ADARB2: variants seen among roughly 807,000 people sequenced by gnomAD.
The protein encoded by ADARB2 is adenosine deaminase RNA specific B2 (inactive).
A neutral mutation model predicts 62.2 loss-of-function variants in ADARB2; 25 were observed. The ratio of observed to expected loss-of-function variants is 0.40; its 90% confidence interval spans 0.29 to 0.56. ADARB2 has a LOEUF of 0.56. Among genes scored for constraint, ADARB2 ranks in the 20% least tolerant of loss-of-function variants. ADARB2 has a pLI of 0.43. For synonymous variants in ADARB2, 572 were observed against 500.8 expected, an observed-to-expected ratio of 1.14 and a Z score of -1.90; for missense variants, 1,071 against 1,077.4, an observed-to-expected ratio of 0.99 and a Z score of 0.08.
intron 3 of ADARB2, among the ~76,000 whole-genome samples, chr10:1,328,085 C>A (rs145979448): frequency 8.5e-6 from 1 of 118,132 alleles, no homozygotes; most frequent in Non-Finnish European, 1.9e-5. Flanking sequence ...GTAACCCAGT[C>A]GGGAAATGGT....
At chr10:1,213,788 CAG>C (rs1475601019) in intron 7 of ADARB2, among the ~76,000 whole-genome samples, 2 of 152,216 alleles carry the variant, frequency 1.3e-5, no homozygotes, top group African/African-American at 4.8e-5. Context: ...GATTTTGTTA[CAG>C]AGAGACAACC....
At chr10:1,479,156 G>A (rs751321558) in intron 1 of ADARB2, among the ~76,000 whole-genome samples, 12 of 152,200 alleles carry the variant, frequency 7.9e-5, no homozygotes, top group Non-Finnish European at 1.6e-4. Flanking sequence ...ATCCCAGTTA[G>A]TAGCTGCAGT....
chr10:1,628,488 G>C (rs555889648), intron 1 of ADARB2, among the ~76,000 whole-genome samples: 30 of 152,356 alleles, frequency 2.0e-4, no homozygotes, highest in African/African-American at 7.2e-4. Flanking sequence ...GAATGACACA[G>C]ATATTAAAAC....
At chr10:1,546,138 C>T (rs572120988) in intron 1 of ADARB2, among the ~76,000 whole-genome samples, 1 of 152,232 alleles carries the variant, frequency 6.6e-6, no homozygotes, top group South Asian at 2.1e-4. Context: ...TGATGGCTCC[C>T]CCTAACTCTC....
intron 1 of ADARB2, among the ~76,000 whole-genome samples, chr10:1,548,946 T>A (rs1832568620): frequency 6.6e-6 from 1 of 152,132 alleles, no homozygotes; most frequent in Non-Finnish European, 1.5e-5. Flanking sequence ...GTTAAGGTGA[T>A]CTGGCTGGGC....
intron 1 of ADARB2, among the ~76,000 whole-genome samples, chr10:1,601,713 C>A (rs1174129023): frequency 6.6e-6 from 1 of 152,190 alleles, no homozygotes; most frequent in African/African-American, 2.4e-5. Flanking sequence ...CGACAGCCAC[C>A]TGCTCCCCCG....
intron 1 of ADARB2, among the ~76,000 whole-genome samples, chr10:1,524,915 T>A (rs1832121528): frequency 6.6e-6 from 1 of 152,188 alleles, no homozygotes; most frequent in Non-Finnish European, 1.5e-5. Context: ...TAGTCCAATC[T>A]ATGTCTGAGC....
Position 1,556,403 on chromosome 10 carries a change from C to G in ADARB2, c.101-177243G>C, listed in dbSNP as rs148478795. Among the ~76,000 whole-genome samples the G allele has an allele frequency of 5.7e-3, 871 of 152,088 alleles. 6 individuals are homozygous for G. Among genetic ancestry groups the G allele is most frequent in the South Asian group, 0.027 (128 of 4,800 alleles). On this transcript the variant is annotated intron_variant, in intron 1 of 9. Coordinates refer to ENST00000381312, the MANE Select transcript of ADARB2 (RefSeq NM_018702.4). ...TTTCTTGGTGAAGCAATTCCCAACTCTACCCTGTGCCGATTCCAGAGTCCT... is the reference window on the plus strand; with the variant it reads ...TTTCTTGGTGAAGCAATTCCCAACTGTACCCTGTGCCGATTCCAGAGTCCT...
chr10:1,486,210 C>CTGTGTGTGTGTGTGTG (rs61283089), intron 1 of ADARB2, among the ~76,000 whole-genome samples: 51 of 142,952 alleles, frequency 3.6e-4, no homozygotes, highest in African/African-American at 1.3e-3. Context: ...GTGTGGACGC[C>CTGTGTGTGTGTGTGTG]TGTGTGTGTG....
chr10:1,372,166 T>C (rs1832378262), intron 2 of ADARB2, among the ~76,000 whole-genome samples: 3 of 152,284 alleles, frequency 2.0e-5, no homozygotes, highest in Middle Eastern at 3.4e-3. Flanking sequence ...TGCAGCAACA[T>C]GAATGGAGCT....
intron 1 of ADARB2, among the ~76,000 whole-genome samples, chr10:1,669,431 C>T (rs892491124): frequency 7.9e-5 from 12 of 152,064 alleles, no homozygotes; most frequent in Non-Finnish European, 1.8e-4. Context: ...GACACACACA[C>T]AGACACATGC....
At chr10:1,702,028 G>GGA (rs1295361941) in intron 1 of ADARB2, among the ~76,000 whole-genome samples, 1 of 152,246 alleles carries the variant, frequency 6.6e-6, no homozygotes, top group South Asian at 2.1e-4. Context: ...GAAAGAAGTG[G>GGA]GAGAGAGAGT....
In ADARB2 at chr10:1,499,324, T is replaced by C. The variant is rs149819169; in HGVS notation, c.101-120164A>G. On this transcript the variant is annotated intron_variant, in intron 1 of 9. Coordinates refer to ENST00000381312, the MANE Select transcript of ADARB2 (RefSeq NM_018702.4). ...TCATTACTCATCACGCATTCATTACTCACTGAATTAACCATTCAGTCATTA... is the reference window on the plus strand; with the variant it reads ...TCATTACTCATCACGCATTCATTACCCACTGAATTAACCATTCAGTCATTA... Among the ~76,000 whole-genome samples the C allele has an allele frequency of 3.3e-5, 5 of 152,122 alleles. No homozygotes were observed. In the East Asian group the frequency reaches 9.7e-4, roughly 30 times the overall value.
At position 1,395,072 on chromosome 10, in the gene ADARB2, A is replaced by G. The variant is rs545070164; in HGVS notation, c.101-15912T>C. 2.6e-5 allele frequency among the ~76,000 whole-genome samples: 4 copies of G among 152,096 alleles called. No homozygotes were observed. The South Asian group carries it at 6.2e-4, about 24-fold the overall frequency. On this transcript the variant is annotated intron_variant, in intron 1 of 9. Transcript: ENST00000381312. ...GCTGGGACTACAGATGCGTGCCACC[A>G]TAACTGGCTATTGTTTTATATTCAC...
intron 4 of ADARB2, among the ~76,000 whole-genome samples, chr10:1,262,287 TATAATAATAATAATA>T (rs55721350): frequency 1.5e-5 from 2 of 135,780 alleles, no homozygotes; most frequent in African/African-American, 2.9e-5. Context: ...AAACTTAAAG[TATAATAATAATAATA>T]ATAATAATAA....
chr10:1,271,116 G>T, intron 3 of ADARB2, 47 bp from the exon 4 acceptor site: 1 of 1,512,522 alleles, frequency 6.6e-7, no homozygotes, highest in Non-Finnish European at 9.1e-7. Context: ...AGCAGGTGCC[G>T]TGGAGGATGA....
At chr10:1,196,608 C>T (rs1454616165) in intron 8 of ADARB2, among the ~76,000 whole-genome samples, 1 of 151,992 alleles carries the variant, frequency 6.6e-6, no homozygotes, top group African/African-American at 2.4e-5. Flanking sequence ...AAAATGAAAA[C>T]AAAGTTTTTC....
chr10:1,693,206 G>A (rs1042334229), intron 1 of ADARB2, among the ~76,000 whole-genome samples: 2 of 152,282 alleles, frequency 1.3e-5, no homozygotes, highest in Admixed American at 6.5e-5. Context: ...AAAGCCTGGG[G>A]TTTCTGACCT....
chr10:1,488,780 A>G (rs1486860680), intron 1 of ADARB2, among the ~76,000 whole-genome samples: 1 of 152,182 alleles, frequency 6.6e-6, no homozygotes, highest in Non-Finnish European at 1.5e-5. Flanking sequence ...CTAACAGCAT[A>G]CGTGTATCTG....
Sources: gnomAD v4.1 joint callset for allele counts (sites outside exome capture counted in the v4.1 genomes callset) on GRCh38, gnomAD v4.1.1 for gene constraint, MANE v1.5 for transcripts, NCBI Gene and HGNC (gene_info 2026-07-23, HGNC 2026-07-21) for gene names.